C6orf132: variants seen among roughly 807,000 people sequenced by gnomAD.
The protein encoded by C6orf132 is chromosome 6 open reading frame 132, also known as uncharacterized protein C6orf132.
Under a neutral mutation model 65.3 loss-of-function variants are expected in C6orf132, and 43 were observed. The ratio of observed to expected loss-of-function variants is 0.66; its 90% CI spans 0.52 to 0.85. The LOEUF (loss-of-function observed/expected upper bound fraction) is 0.85. Ranked by LOEUF, C6orf132 falls within the 40% of genes least tolerant of loss-of-function variation. The probability of loss-of-function intolerance (pLI) is 0.00; values close to 1 mark genes in which losing one functional copy is unlikely to be tolerated. For synonymous variants in C6orf132, 631 were observed against 654.1 expected (o/e 0.96, Z 0.54); for missense variants, 1,488 against 1,548.8 (o/e 0.96, Z 0.66).
intron 2 of C6orf132, among the ~76,000 whole-genome samples, chr6:42,111,277 A>ATT (rs1397400904): frequency 7.8e-5 from 9 of 114,900 alleles, no homozygotes; most frequent in African/African-American, 3.6e-4. Flanking sequence ...ATTCCTGGCT[A>ATT]ATTTTTTTTT....
intron 1 of C6orf132, among the ~76,000 whole-genome samples, chr6:42,134,337 G>C (rs1043709257): frequency 6.6e-6 from 1 of 152,200 alleles, no homozygotes; most frequent in Non-Finnish European, 1.5e-5. Context: ...GTGAGAGAAA[G>C]TGTGCAAAAG....
chr6:42,116,911 G>A (rs1399332943), intron 2 of C6orf132, among the ~76,000 whole-genome samples: 3 of 152,098 alleles, frequency 2.0e-5, no homozygotes, highest in Non-Finnish European at 4.4e-5. Context: ...GGGCAGATGG[G>A]TAGCTTGAAA....
intron 1 of C6orf132, among the ~76,000 whole-genome samples, chr6:42,138,879 A>ACACACACACACG (rs1347206592): frequency 1.3e-5 from 2 of 151,690 alleles, no homozygotes; most frequent in Admixed American, 1.3e-4. Context: ...ACACACACAC[A>ACACACACACACG]CACTCGTGTG....
Position 42,106,232 on chromosome 6 carries a change from A to C in C6orf132, c.1680T>G (p.Thr560=), listed in dbSNP as rs532400550. The change falls in exon 4 of 5, where the codon ACT becomes ACG. Residue 560 remains threonine (T), a synonymous_variant. Transcript: ENST00000341865. Reference sequence around the variant, plus strand: ...CATTCCGGATCTGCCGCACACTGGGAGTTGGAGAGTCTTGGGGAATGTAGT... The same window carrying C: ...CATTCCGGATCTGCCGCACACTGGGCGTTGGAGAGTCTTGGGGAATGTAGT... ...SVDYIPQDSP[T]PSVRQIRNEL... The C allele has an allele frequency of 1.4e-4, 219 of 1,536,970 alleles. 3 individuals carry two copies. In the East Asian group the frequency reaches 4.0e-3, roughly 28 times the overall value.
chr6:42,104,794 G>A lies in C6orf132; in HGVS notation c.3118C>T (p.Pro1040Ser), dbSNP rs1396721272. The change falls in exon 4 of 5, where the codon CCC (proline) becomes TCC (serine). Residue 1040 changes from proline (P) to serine (S), a missense_variant. Coordinates refer to ENST00000341865, the MANE Select transcript of C6orf132 (RefSeq NM_001164446.3). The surrounding 1 kb of genome is among the most constrained non-coding windows in gnomAD (Gnocchi z 4.1). ...APPALGFSRFPAGARYAGAGG... is the reference protein window; with the variant it reads ...APPALGFSRFSAGARYAGAGG... Reference sequence around the variant, plus strand: ...GCCCCGGCGTAGCGCGCGCCCGCGGGAAAGCGCGAGAAGCCGAGAGCCGGG... The same window carrying A: ...GCCCCGGCGTAGCGCGCGCCCGCGGAAAAGCGCGAGAAGCCGAGAGCCGGG... 6.7e-7 allele frequency: 1 copy of A among 1,496,206 alleles called. No individual in the cohort carries two copies. Among genetic ancestry groups the A allele is most frequent in the East Asian group, 2.5e-5 (1 of 40,020 alleles). The allele number at this position is 1,496,206 out of a possible 1,614,324, so 92.7% of individuals were successfully genotyped here.
chr6:42,115,934 C>CTTTTTTTTTT (rs67542628), intron 2 of C6orf132, among the ~76,000 whole-genome samples: 3 of 106,392 alleles, frequency 2.8e-5, no homozygotes, highest in Non-Finnish European at 3.8e-5. Context: ...TTTTCTTTTT[C>CTTTTTTTTTT]TTTTTTTTTT....
chr6:42,117,379 C>A (rs989602925), intron 2 of C6orf132, among the ~76,000 whole-genome samples: 1 of 152,100 alleles, frequency 6.6e-6, no homozygotes, highest in African/African-American at 2.4e-5. Flanking sequence ...CTAGTAAGTG[C>A]CAGGGCCAAT....
At position 42,106,375 on chromosome 6, in the gene C6orf132, CCTT is replaced by C. The variant is rs1279226542; in HGVS notation, c.1534_1536del (p.Lys512del). On this transcript the variant is annotated inframe_deletion, in exon 4 of 5. Transcript: ENST00000341865. The stretch of plus-strand genomic sequence containing the variant: ...TTTGCTGGCAGGCTCAGGAGAGTCT[CCTT>C]CTCAGGCAGGCGGGGGCCCTTCTTG... 5 of 1,536,408 alleles carry C rather than the reference CCTT, an allele frequency of 3.3e-6. No homozygotes were observed. The highest frequency in any genetic ancestry group is 4.4e-6 in the Non-Finnish European group (5 of 1,146,866).
intron 2 of C6orf132, 38 bp downstream of exon 2, chr6:42,128,634 G>A: frequency 6.7e-7 from 1 of 1,500,280 alleles, no homozygotes; most frequent in Non-Finnish European, 9.1e-7. Context: ...TCCCCAGCCA[G>A]AGCAGACTCT....
At position 42,103,983 on chromosome 6, in the gene C6orf132, G is replaced by C. The variant is rs1766341621; in HGVS notation, c.3450-105C>G. On this transcript the variant is annotated intron_variant, in intron 4 of 4. Coordinates refer to ENST00000341865, the MANE Select transcript of C6orf132 (RefSeq NM_001164446.3). ...AGGAAAAGATGCTGCTCATACTTCT[G>C]TATTTGCCCCGACAAGCCCTGGGCT... The C allele has an allele frequency of 3.7e-6, 3 of 806,954 alleles. No homozygotes were observed. The East Asian group carries it at 1.0e-4, about 27-fold the overall frequency. 50.0% of individuals were successfully genotyped at this position (806,954 alleles called of 1,614,324 possible).
intron 2 of C6orf132, among the ~76,000 whole-genome samples, chr6:42,110,647 G>A (rs1766479086): frequency 6.6e-6 from 1 of 152,184 alleles, no homozygotes; most frequent in Admixed American, 6.5e-5. Context: ...TTTTAGCTGT[G>A]TTTCTGCTTA....
At chr6:42,126,368 A>T (rs149421033) in intron 2 of C6orf132, 1 of 148,906 alleles carries the variant, frequency 6.7e-6, no homozygotes, top group Non-Finnish European at 1.5e-5. Context: ...ATGAGCCACC[A>T]CACCTGGCTG....
intron 2 of C6orf132, among the ~76,000 whole-genome samples, chr6:42,115,805 T>C (rs1766558014): frequency 6.6e-6 from 1 of 152,078 alleles, no homozygotes; most frequent in Non-Finnish European, 1.5e-5. Flanking sequence ...ACATCACCTC[T>C]TTCTTCCATC....
intron 1 of C6orf132, among the ~76,000 whole-genome samples, chr6:42,136,591 C>A (rs1034780638): frequency 6.6e-6 from 1 of 152,208 alleles, no homozygotes; most frequent in South Asian, 2.1e-4. Flanking sequence ...ATCCAATCAT[C>A]GGCCACTAGG....
intron 2 of C6orf132, among the ~76,000 whole-genome samples, chr6:42,113,816 A>AAAAAG (rs546798292): frequency 6.6e-6 from 1 of 151,766 alleles, no homozygotes; most frequent in Non-Finnish European, 1.5e-5. Context: ...ACTGTCTCAA[A>AAAAAG]AAAAGAAAAG....
chr6:42,128,982 AGGGACTCGGTGTTCGTG>A (rs1469103366), intron 1 of C6orf132, among the ~76,000 whole-genome samples: 1 of 152,144 alleles, frequency 6.6e-6, no homozygotes, highest in Non-Finnish European at 1.5e-5. Context: ...GCGCTGGGTG[AGGGACTCGGTGTTCGTG>A]GGGCTTTCAG....
rs1220280097 is a variant in C6orf132, at chr6:42,142,535, G to A, written c.-91C>T. On this transcript the variant is annotated 5_prime_UTR_variant, in exon 1 of 5. Coordinates refer to ENST00000341865, the MANE Select transcript of C6orf132 (RefSeq NM_001164446.3). ...TGAACTCAGCACGGTCTCCCCAGGG[G>A]ACTCTACCAGGCCATGTCCCCCGCC... 8.1e-7 allele frequency: 1 copy of A among 1,235,814 alleles called. No individual in the cohort carries two copies. Among genetic ancestry groups the A allele is most frequent in the Non-Finnish European group, 1.1e-6 (1 of 940,324 alleles). The allele number at this position is 1,235,814 out of a possible 1,614,324, so 76.6% of individuals were successfully genotyped here.
intron 2 of C6orf132, among the ~76,000 whole-genome samples, chr6:42,116,035 T>A (rs771369913): frequency 4.0e-5 from 6 of 150,836 alleles, no homozygotes; most frequent in Non-Finnish European, 5.9e-5. Context: ...GTTCCAGCGA[T>A]TCTCCTGACT....
chr6:42,104,592 G>A lies in C6orf132; in HGVS notation c.3320C>T (p.Ala1107Val), dbSNP rs867094463. Residue 1107 changes from alanine (A) to valine (V), a missense_variant, in exon 4 of 5, where the codon GCG becomes GTG. Ala to Val is a moderately conservative substitution (Grantham distance 64). Transcript: ENST00000341865. This position sits in a 1 kb window ranked among gnomAD's most constrained non-coding sequence, Gnocchi z 4.1. ...GGPEMRRVNS[A>V]GRAPPGGLHA... The stretch of plus-strand genomic sequence containing the variant: ...CAGGCCTCCGGGGGGCGCGCGACCC[G>A]CCGAGTTCACGCGCCGCATCTCGGG... 9.0e-6 allele frequency: 12 copies of A among 1,330,956 alleles called. No homozygotes were observed. In the Middle Eastern group the frequency reaches 1.0e-3, roughly 112 times the overall value. 82.4% of individuals were successfully genotyped at this position (1,330,956 alleles called of 1,614,324 possible).
Sources: gnomAD v4.1 joint callset for allele counts (sites outside exome capture counted in the v4.1 genomes callset) on GRCh38, gnomAD v4.1.1 for gene constraint, Gnocchi (gnomAD v3.1) non-coding constraint, MANE v1.5 for transcripts, NCBI Gene and HGNC (gene_info 2026-07-23, HGNC 2026-07-21) for gene names.